The following FCAR variants were observed in gnomAD, a reference collection of about 807,000 sequenced individuals.
FCAR encodes the protein immunoglobulin alpha Fc receptor.
Under a neutral mutation model 27.1 loss-of-function variants are expected in FCAR, and 21 were observed. The observed-to-expected ratio is 0.77, with a 90% CI of 0.55 to 1.11. The LOEUF is 1.11. Ranked by LOEUF, FCAR falls within the 50% of genes most tolerant of loss-of-function variation. The pLI is 0.00. For synonymous variants in FCAR, 134 were observed against 135.8 expected (o/e 0.99, Z 0.09); for missense variants, 404 against 358.4 (o/e 1.13, Z -1.03).
chr19:54,884,499 G>C (rs979516479), intron 2 of FCAR, among the ~76,000 whole-genome samples: 1 of 152,078 alleles, frequency 6.6e-6, no homozygotes, highest in African/African-American at 2.4e-5. Flanking sequence ...AGGCATGGTG[G>C]TGGGCACCTG....
At chr19:54,885,113 T>G in intron 2 of FCAR, 122 bp from the exon 3 acceptor site, 5 of 898,364 alleles carry the variant, frequency 5.6e-6, no homozygotes, top group Non-Finnish European at 8.2e-6. Context: ...GCCTAAATTT[T>G]TTTTTAAATA....
Position 54,891,334 on chromosome 19 carries a change from T to C in FCAR, c.*1471T>C, listed in dbSNP as rs587628685. On this transcript the variant is annotated 3_prime_UTR_variant, in exon 5 of 5. Transcript: ENST00000355524. ...GGGACTTAGGCCCACTTTTATCCTT[T>C]ACTGAGAGCTTATCTCTACTTGATA... 2.6e-5 allele frequency: 4 copies of C among 152,380 alleles called. No homozygotes were observed. In the South Asian group the frequency reaches 6.2e-4, roughly 24 times the overall value. The allele number at this position is 152,380 out of a possible 1,614,324, so 9.4% of individuals were successfully genotyped here.
rs587705807 is a variant in FCAR, at chr19:54,886,333, G to T, written c.361+808G>T. On this transcript the variant is annotated intron_variant, in intron 3 of 4. Transcript: ENST00000355524. ...TTTTTTTTTTTTTTTTTGAGATGGAGTCCCGCTGTGTTGCCCAGGCTGGAG... is the reference window on the plus strand; with the variant it reads ...TTTTTTTTTTTTTTTTTGAGATGGATTCCCGCTGTGTTGCCCAGGCTGGAG... Among the ~76,000 whole-genome samples, 6 of 107,594 alleles carry T rather than the reference G, an allele frequency of 5.6e-5. No homozygotes were observed. In the Admixed American group the frequency reaches 7.7e-4, roughly 14 times the overall value. The allele number at this position is 107,594 out of a possible 152,430, so 70.6% of individuals were successfully genotyped here.
At chr19:54,883,803 A>C (rs1222103340) in intron 2 of FCAR, among the ~76,000 whole-genome samples, 1 of 152,060 alleles carries the variant, frequency 6.6e-6, no homozygotes, top group Non-Finnish European at 1.5e-5. Flanking sequence ...AAATACAAAA[A>C]AAAATTAGCC....
At position 54,888,181 on chromosome 19, in the gene FCAR, C is replaced by T. The variant is rs2066863834; in HGVS notation, c.536C>T (p.Ser179Phe). The T allele has an allele frequency of 6.2e-7, 1 of 1,614,074 alleles. No individual in the cohort carries two copies. The highest frequency in any genetic ancestry group is 1.3e-5 in the African/African-American group (1 of 74,946). Residue 179 changes from serine (S) to phenylalanine (F), a missense_variant, in exon 4 of 5, where the codon TCT becomes TTT. Transcript: ENST00000355524. Reference protein sequence around the residue: ...HQSGEHPANFSLGPVDLNVSG... With the variant: ...HQSGEHPANFFLGPVDLNVSG... ...AGTGGGGAACACCCGGCCAACTTCT[C>T]TTTGGGTCCTGTGGACCTCAATGTC...
intron 2 of FCAR, among the ~76,000 whole-genome samples, chr19:54,881,513 G>C (rs1047853055): frequency 6.6e-6 from 1 of 152,074 alleles, no homozygotes; most frequent in African/African-American, 2.4e-5. Flanking sequence ...GAAGAGCAGG[G>C]GGTTGAGGGC....
intron 2 of FCAR, among the ~76,000 whole-genome samples, chr19:54,884,062 G>A (rs1384454449): frequency 6.6e-6 from 1 of 152,232 alleles, no homozygotes; most frequent in Non-Finnish European, 1.5e-5. Context: ...GGCCCGTCTG[G>A]CTGCAAGTGG....
chr19:54,882,843 G>A (rs1266721440), intron 2 of FCAR, among the ~76,000 whole-genome samples: 1 of 152,100 alleles, frequency 6.6e-6, no homozygotes, highest in East Asian at 1.9e-4. Flanking sequence ...CAGATGCCAG[G>A]ACTCTGCACA....
At chr19:54,878,548 A>T (rs1157771915) in intron 2 of FCAR, among the ~76,000 whole-genome samples, 1 of 149,762 alleles carries the variant, frequency 6.7e-6, no homozygotes, top group African/African-American at 2.5e-5. Context: ...CTCTTTTTTT[A>T]ATTTTTTTTT....
At chr19:54,887,810 G>C (rs181619822) in intron 3 of FCAR, among the ~76,000 whole-genome samples, 197 bp from the exon 4 acceptor site, 2 of 151,940 alleles carry the variant, frequency 1.3e-5, no homozygotes, top group African/African-American at 4.8e-5. Flanking sequence ...CCAGTTTCTC[G>C]GGAGGCTGAG....
At chr19:54,877,877 C>T (rs1433323033) in intron 2 of FCAR, among the ~76,000 whole-genome samples, 1 of 151,344 alleles carries the variant, frequency 6.6e-6, no homozygotes, top group Non-Finnish European at 1.5e-5. Flanking sequence ...TATTTTTATT[C>T]CACTGTGCTC....
At chr19:54,886,676 G>T (rs1414343562) in intron 3 of FCAR, among the ~76,000 whole-genome samples, 1 of 152,082 alleles carries the variant, frequency 6.6e-6, no homozygotes, top group Admixed American at 6.5e-5. Flanking sequence ...TTCCAGGCGT[G>T]AGCCACCGTG....
In FCAR at chr19:54,886,531, T is replaced by A. The variant is rs2066740689; in HGVS notation, c.361+1006T>A. ...ACTGTGTTAGCCAGGATGGTCTCAA[T>A]CTTCTGACCTCGTGATCCGCCCGCC... On this transcript the variant is annotated intron_variant, in intron 3 of 4. Coordinates refer to ENST00000355524, the MANE Select transcript of FCAR (RefSeq NM_002000.4). Among the ~76,000 whole-genome samples the A allele has an allele frequency of 2.0e-5, 3 of 151,742 alleles. No individual in the cohort carries two copies. In the South Asian group the frequency reaches 6.2e-4, roughly 32 times the overall value.
Position 54,889,929 on chromosome 19 carries a change from C to A in FCAR, c.*66C>A. ...GTCCGACAAAGCTACTTGAAGGACA[C>A]AAGAGAGAAAAGCTCACTAAGAAGC... On this transcript the variant is annotated 3_prime_UTR_variant, in exon 5 of 5. Coordinates refer to ENST00000355524, the MANE Select transcript of FCAR (RefSeq NM_002000.4). 4 of 1,154,416 alleles carry A rather than the reference C, an allele frequency of 3.5e-6. No individual in the cohort carries two copies. The highest frequency in any genetic ancestry group is 5.0e-6 in the Non-Finnish European group (4 of 795,390). The allele number at this position is 1,154,416 out of a possible 1,614,324, so 71.5% of individuals were successfully genotyped here. A position where few individuals can be genotyped will look rare whatever the true frequency, so the allele number is the denominator to read the frequency against.
chr19:54,884,563 C>T (rs930987964), intron 2 of FCAR, among the ~76,000 whole-genome samples: 2 of 151,794 alleles, frequency 1.3e-5, no homozygotes, highest in African/African-American at 4.8e-5. Flanking sequence ...ACCCGGGAGG[C>T]GGAGGAGCTG....
Position 54,883,966 on chromosome 19 carries a change from A to G in FCAR, c.71-1269A>G, listed in dbSNP as rs587732559. Among the ~76,000 whole-genome samples, 7 of 152,246 alleles carry G rather than the reference A, an allele frequency of 4.6e-5. No homozygotes were observed. In the South Asian group the frequency reaches 1.0e-3, roughly 23 times the overall value. On this transcript the variant is annotated intron_variant, in intron 2 of 4. Transcript: ENST00000355524. Reference sequence around the variant, plus strand: ...AGTGAGACTTCATCTCAACAAAAAAAGAAAAGAAAAGAAAAACACAGAGCT... The same window carrying G: ...AGTGAGACTTCATCTCAACAAAAAAGGAAAAGAAAAGAAAAACACAGAGCT...
chr19:54,888,477 T>G, intron 4 of FCAR, 183 bp downstream of exon 4: 2 of 1,425,244 alleles, frequency 1.4e-6, no homozygotes, highest in Non-Finnish European at 1.8e-6. Flanking sequence ...GCTAGAGTTC[T>G]CCAGACAGGG....
At chr19:54,880,788 C>T (rs919444018) in intron 2 of FCAR, 1 of 152,160 alleles carries the variant, frequency 6.6e-6, no homozygotes, top group African/African-American at 2.4e-5. Flanking sequence ...GCTGGGGCTT[C>T]GCACAGGGTC....
intron 4 of FCAR, 64 bp from the exon 5 acceptor site, chr19:54,889,585 T>C (rs2066952340): frequency 1.4e-6 from 2 of 1,394,586 alleles, no homozygotes; most frequent in Admixed American, 3.4e-5. Flanking sequence ...GTTTCAGGGC[T>C]CTGGGGTTGG....
Sources: allele counts gnomAD v4.1 joint callset (sites outside exome capture counted in the v4.1 genomes callset), GRCh38; gene constraint gnomAD v4.1.1; transcripts MANE v1.5; gene names NCBI Gene and HGNC (gene_info 2026-07-23, HGNC 2026-07-21).